The following ABCA6 variants were observed in gnomAD, a reference collection of about 807,000 sequenced individuals.
ABCA6 encodes the protein ATP-binding cassette sub-family A member 6.
In ABCA6, 164 loss-of-function variants were observed where a neutral mutation model predicts 191.2. That is an observed-to-expected ratio of 0.86 (90% confidence interval 0.76 to 0.98). The LOEUF (loss-of-function observed/expected upper bound fraction) is 0.98, where lower values mean the gene tolerates loss of function less well. Among genes scored for constraint, ABCA6 ranks in the 50% least tolerant of loss-of-function variants. The pLI, the probability that ABCA6 is intolerant of heterozygous loss-of-function variation, is 0.00. For synonymous variants in ABCA6, 636 were observed against 647.7 expected (o/e 0.98, Z 0.27); for missense variants, 1,958 against 1,894.1 (o/e 1.03, Z -0.63).
At chr17:69,097,814 C>T (rs932593240) in intron 23 of ABCA6, 106 bp downstream of exon 23, 5 of 735,480 alleles carry the variant, frequency 6.8e-6, no homozygotes, top group Middle Eastern at 3.4e-4. Context: ...CTAAATTAAA[C>T]ATACATTCAA....
intron 27 of ABCA6, among the ~76,000 whole-genome samples, chr17:69,088,786 G>A (rs759892134): frequency 1.6e-4 from 24 of 152,090 alleles, no homozygotes; most frequent in Admixed American, 9.2e-4. Context: ...CTGACCTCTC[G>A]CTTTATCCCA....
Position 69,137,340 on chromosome 17 carries a change from G to T in ABCA6, c.257C>A (p.Thr86Asn). 2 of 1,613,458 alleles carry T rather than the reference G, an allele frequency of 1.2e-6. No individual in the cohort carries two copies. Among genetic ancestry groups the T allele is most frequent in the South Asian group, 2.2e-5 (2 of 91,064 alleles). Reference protein sequence around the residue: ...MVVYTPISNLTQQIMNKTALA... With the variant: ...MVVYTPISNLNQQIMNKTALA... ...TGCTGTTTTATTCATTATCTGCTGG[G>T]TTAAATTAGATATTGGTGTATACAC... is the stretch of plus-strand genomic sequence containing the variant. Residue 86 changes from threonine (T) to asparagine (N), a missense_variant, in exon 3 of 39, where the codon ACC (threonine) becomes AAC (asparagine). Coordinates refer to ENST00000284425, the MANE Select transcript of ABCA6 (RefSeq NM_080284.3).
At chr17:69,137,772 G>A (rs1359612444) in intron 2 of ABCA6, among the ~76,000 whole-genome samples, 1 of 152,122 alleles carries the variant, frequency 6.6e-6, no homozygotes, top group Non-Finnish European at 1.5e-5. Context: ...GTGAATAACA[G>A]GATGACAATC....
chr17:69,137,607 T>C (rs890050054), intron 2 of ABCA6, 107 bp from the exon 3 acceptor site: 1 of 1,011,536 alleles, frequency 9.9e-7, no homozygotes, highest in African/African-American at 1.6e-5. Context: ...TGCTATACAG[T>C]TATGTTCTCT....
intron 6 of ABCA6, among the ~76,000 whole-genome samples, chr17:69,131,796 T>C (rs919696721): frequency 3.3e-5 from 5 of 152,220 alleles, no homozygotes; most frequent in Non-Finnish European, 5.9e-5. Context: ...TCACTTATCC[T>C]GAGAATGAAT....
Position 69,079,205 on chromosome 17 carries a change from C to T in ABCA6, c.4752+5G>A. The T allele has an allele frequency of 1.2e-6, 2 of 1,608,480 alleles. No individual in the cohort carries two copies. Among genetic ancestry groups the T allele is most frequent in the Middle Eastern group, 1.7e-4 (1 of 6,044 alleles). On this transcript the variant is annotated splice_donor_5th_base_variant and intron_variant, in intron 38 of 38. Coordinates refer to ENST00000284425, the MANE Select transcript of ABCA6 (RefSeq NM_080284.3). Reference sequence around the variant, plus strand: ...GATGATACAAAGTCAAACCACTTGACTTACCTTCTCCAGTGTGCACTGAGA... The same window carrying T: ...GATGATACAAAGTCAAACCACTTGATTTACCTTCTCCAGTGTGCACTGAGA...
At chr17:69,110,545 C>T in intron 17 of ABCA6, 1 of 363,594 alleles carries the variant, frequency 2.8e-6, no homozygotes, top group Non-Finnish European at 5.0e-6. Flanking sequence ...AATTGCCTAC[C>T]ACAGTAATCT....
At chr17:69,132,871 TGA>T (rs934610553) in intron 6 of ABCA6, among the ~76,000 whole-genome samples, 4 of 90,258 alleles carry the variant, frequency 4.4e-5, no homozygotes, top group African/African-American at 9.6e-5. Flanking sequence ...TATACATACA[TGA>T]GTGTGTGTGT....
chr17:69,122,716 G>C (rs989150374), intron 10 of ABCA6, among the ~76,000 whole-genome samples: 3 of 151,952 alleles, frequency 2.0e-5, no homozygotes, highest in Admixed American at 6.6e-5. Flanking sequence ...GTGGGCACAA[G>C]AGAAAGAGGC....
intron 2 of ABCA6, 28 bp downstream of exon 2, chr17:69,140,580 G>C (rs572377812): frequency 1.3e-6 from 2 of 1,486,022 alleles, no homozygotes; most frequent in East Asian, 4.7e-5. Flanking sequence ...AGTGCTAACC[G>C]TGGAAAGAGA....
intron 11 of ABCA6, among the ~76,000 whole-genome samples, chr17:69,117,663 G>T (rs1598042019): frequency 1.3e-5 from 2 of 151,890 alleles, no homozygotes; most frequent in Non-Finnish European, 2.9e-5. Flanking sequence ...AAAACAAAGA[G>T]AAATTACATC....
chr17:69,081,225 A>G, intron 36 of ABCA6, 80 bp from the exon 37 acceptor site: 1 of 690,632 alleles, frequency 1.4e-6, no homozygotes, highest in Non-Finnish European at 2.5e-6. Flanking sequence ...TGATATTACC[A>G]ACAATTTTCT....
intron 10 of ABCA6, among the ~76,000 whole-genome samples, chr17:69,119,046 T>G (rs1206368722): frequency 6.6e-6 from 1 of 152,080 alleles, no homozygotes; most frequent in South Asian, 2.1e-4. Context: ...GAGATTCATA[T>G]TATATTCACA....
intron 3 of ABCA6, 37 bp from the exon 4 acceptor site, chr17:69,136,287 G>A (rs2073947714): frequency 7.0e-7 from 1 of 1,426,612 alleles, no homozygotes; most frequent in Non-Finnish European, 9.2e-7. Flanking sequence ...ATAGAAAATT[G>A]TAAGAGTTTT....
chr17:69,096,200 A>G, intron 25 of ABCA6, 40 bp downstream of exon 25: 1 of 1,034,644 alleles, frequency 9.7e-7, no homozygotes, highest in Non-Finnish European at 1.3e-6. Context: ...AAGTTTAAAA[A>G]ATAACACTAT....
At chr17:69,101,323 G>T (rs1442985200) in intron 21 of ABCA6, among the ~76,000 whole-genome samples, 1 of 152,132 alleles carries the variant, frequency 6.6e-6, no homozygotes, top group Admixed American at 6.6e-5. Flanking sequence ...GATTGGGCAT[G>T]GTGGCTCACA....
chr17:69,133,655 T>G lies in ABCA6; in HGVS notation c.777A>C (p.Gln259His). 1 of 1,596,246 alleles carries G rather than the reference T, an allele frequency of 6.3e-7. No homozygotes were observed. Among genetic ancestry groups the G allele is most frequent in the Non-Finnish European group, 8.6e-7 (1 of 1,167,718 alleles). The change falls in exon 6 of 39, where the codon CAA (glutamine) becomes CAC (histidine). Residue 259 changes from glutamine to histidine, a missense_variant. Coordinates refer to ENST00000284425, the MANE Select transcript of ABCA6 (RefSeq NM_080284.3). The part of the protein sequence containing the change: ...SKNLMKMMGL[Q>H]DSAFWLSWGL... ...TAGTCACTCACCAGAATGCTGAATC[T>G]TGGAGACCCATCATTTTCATCAAAT...
rs1393913095 is a variant in ABCA6 at position 69,100,875 on chromosome 17, C to G, written c.2934G>C (p.Met978Ile). 6 of 1,611,358 alleles carry G rather than the reference C, an allele frequency of 3.7e-6. No individual in the cohort carries two copies. The highest frequency in any genetic ancestry group is 5.1e-6 in the Non-Finnish European group (6 of 1,178,324). Reference protein sequence around the residue: ...TKRLHCFPILMNIISNGLLQM... With the variant: ...TKRLHCFPILINIISNGLLQM... ...GAAGTAGCCCATTGCTGATAATATT[C>G]ATAAGAATTGGAAAACAGTGCAATC... Residue 978 changes from methionine to isoleucine, a missense_variant, in exon 22 of 39, where the codon ATG becomes ATC. Coordinates refer to ENST00000284425, the MANE Select transcript of ABCA6 (RefSeq NM_080284.3).
Position 69,096,335 on chromosome 17 carries a change from A to G in ABCA6, c.3313T>C (p.Tyr1105His). The change falls in exon 25 of 39, where the codon TAT becomes CAT. Residue 1105 changes from tyrosine to histidine, a missense_variant. Coordinates refer to ENST00000284425, the MANE Select transcript of ABCA6 (RefSeq NM_080284.3). ...ATGAAGAAGACAAGAGAAGCTGCAT[A>G]ACCAGGAGTAACTATAACCTGAGCA... ...VFALVIVTPG[Y>H]AASLVFFIYM... The G allele has an allele frequency of 6.7e-7, 1 of 1,483,646 alleles. No individual in the cohort carries two copies. The highest frequency in any genetic ancestry group is 1.4e-5 in the South Asian group (1 of 72,060). 91.9% of individuals were successfully genotyped at this position (1,483,646 alleles called of 1,614,324 possible).
Sources: gnomAD v4.1 joint callset for allele counts (sites outside exome capture counted in the v4.1 genomes callset) on GRCh38, gnomAD v4.1.1 for gene constraint, MANE v1.5 for transcripts, NCBI Gene and HGNC (gene_info 2026-07-23, HGNC 2026-07-21) for gene names.